GRM7: variants seen among roughly 807,000 people sequenced by gnomAD.
GRM7 encodes glutamate metabotropic receptor 7.
In GRM7, 35 loss-of-function variants were observed where a neutral mutation model predicts 84.5. The ratio of observed to expected loss-of-function variants is 0.41; its 90% confidence interval spans 0.32 to 0.55. The LOEUF (loss-of-function observed/expected upper bound fraction) is 0.55. GRM7 is among the 20% of genes least tolerant of loss of function. The pLI, the probability that GRM7 is intolerant of heterozygous loss-of-function variation, is 0.19. For synonymous variants in GRM7, 487 were observed against 455.1 expected, an observed-to-expected ratio of 1.07 and a Z score of -0.89; for missense variants, 1,003 against 1,194.6, an observed-to-expected ratio of 0.84 and a Z score of 2.36.
At chr3:7,040,274 T>G (rs1696545557) in intron 1 of GRM7, among the ~76,000 whole-genome samples, 1 of 152,136 alleles carries the variant, frequency 6.6e-6, no homozygotes, top group Admixed American at 6.5e-5. Context: ...TGGAGTGCGT[T>G]TCATGATTAG....
intron 2 of GRM7, among the ~76,000 whole-genome samples, chr3:7,226,797 T>C (rs1696997100): frequency 6.6e-6 from 1 of 152,226 alleles, no homozygotes. Context: ...TCATGCTGTG[T>C]TACACTCCAT....
chr3:7,621,957 C>A (rs996130865), intron 8 of GRM7, among the ~76,000 whole-genome samples: 8 of 152,094 alleles, frequency 5.3e-5, no homozygotes, highest in African/African-American at 1.9e-4. Context: ...TGAATCTGGG[C>A]AAATGCTAGA....
intron 2 of GRM7, among the ~76,000 whole-genome samples, chr3:7,194,263 C>T (rs1185523504): frequency 6.6e-6 from 1 of 152,100 alleles, no homozygotes; most frequent in Non-Finnish European, 1.5e-5. Flanking sequence ...AAGACAAGGT[C>T]TCTATTATCT....
intron 7 of GRM7, among the ~76,000 whole-genome samples, chr3:7,493,856 CTGGGT>C (rs1699608975): frequency 6.6e-6 from 1 of 151,898 alleles, no homozygotes; most frequent in Non-Finnish European, 1.5e-5. Flanking sequence ...AATAGTTGTT[CTGGGT>C]ATTAAAATAT....
intron 2 of GRM7, among the ~76,000 whole-genome samples, chr3:7,271,199 A>G (rs565861750): frequency 6.6e-6 from 1 of 152,062 alleles, no homozygotes; most frequent in African/African-American, 2.4e-5. Flanking sequence ...CAGAAAGAGG[A>G]AAAAAAAGTT....
intron 2 of GRM7, among the ~76,000 whole-genome samples, chr3:7,288,353 A>T (rs1699502907): frequency 6.6e-6 from 1 of 152,066 alleles, no homozygotes; most frequent in African/African-American, 2.4e-5. Context: ...ATTCTGTTTT[A>T]TTGACTCATT....
intron 2 of GRM7, among the ~76,000 whole-genome samples, chr3:7,274,540 G>T (rs1698982075): frequency 6.6e-6 from 1 of 152,000 alleles, no homozygotes; most frequent in Admixed American, 6.6e-5. Context: ...ATTCTAGGTT[G>T]ATGGTTGATG....
intron 5 of GRM7, among the ~76,000 whole-genome samples, chr3:7,416,786 T>C (rs1696178449): frequency 6.6e-6 from 1 of 152,194 alleles, no homozygotes; most frequent in East Asian, 1.9e-4. Flanking sequence ...ATTAATTTAA[T>C]ATTGACTAGA....
At chr3:7,620,776 T>C (rs977595079) in intron 8 of GRM7, among the ~76,000 whole-genome samples, 3 of 152,174 alleles carry the variant, frequency 2.0e-5, no homozygotes, top group African/African-American at 7.2e-5. Context: ...TTAGCAACTC[T>C]TGTTTGGGAG....
At chr3:7,266,202 A>G (rs1436321767) in intron 2 of GRM7, among the ~76,000 whole-genome samples, 3 of 151,684 alleles carry the variant, frequency 2.0e-5, no homozygotes, top group Non-Finnish European at 2.9e-5. Flanking sequence ...TGTTCAAGGG[A>G]AAAAAAAATC....
chr3:7,674,255 G>A (rs921000967), intron 8 of GRM7, among the ~76,000 whole-genome samples: 5 of 151,596 alleles, frequency 3.3e-5, no homozygotes, highest in South Asian at 4.2e-4. Context: ...ACAGTGACGC[G>A]ATCTTGGCTC....
At chr3:7,298,860 G>T in intron 3 of GRM7, 35 bp downstream of exon 3, 1 of 1,578,898 alleles carries the variant, frequency 6.3e-7, no homozygotes, top group African/African-American at 1.3e-5. Context: ...TAATATGCAT[G>T]TTGCAATTTT....
chr3:7,064,190 C>A (rs1290589045), intron 1 of GRM7, among the ~76,000 whole-genome samples: 1 of 150,760 alleles, frequency 6.6e-6, no homozygotes, highest in Non-Finnish European at 1.5e-5. Context: ...ACCTATCACC[C>A]ATCTATACAC....
intron 7 of GRM7, among the ~76,000 whole-genome samples, chr3:7,469,123 T>C (rs1348179343): frequency 6.6e-6 from 1 of 152,222 alleles, no homozygotes; most frequent in African/African-American, 2.4e-5. Context: ...ACAGTTAAAC[T>C]ATACACATTA....
chr3:7,455,396 A>G (rs186764671), intron 6 of GRM7, among the ~76,000 whole-genome samples: 29 of 152,276 alleles, frequency 1.9e-4, no homozygotes, highest in Middle Eastern at 3.4e-3. Flanking sequence ...GAATAACCAA[A>G]AACAAAATAG....
intron 7 of GRM7, among the ~76,000 whole-genome samples, chr3:7,539,699 C>T (rs1200679384): frequency 6.8e-6 from 1 of 147,074 alleles, no homozygotes; most frequent in African/African-American, 2.5e-5. Context: ...AAAAAAAAGT[C>T]TCTCACTCAT....
chr3:6,995,999 TCCAGCCATA>T (rs1694814976), intron 1 of GRM7, among the ~76,000 whole-genome samples: 1 of 152,204 alleles, frequency 6.6e-6, no homozygotes, highest in South Asian at 2.1e-4. Flanking sequence ...TGAAAACGCA[TCCAGCCATA>T]CATATGCCTG....
At chr3:7,424,534 C>T (rs1696525361) in intron 5 of GRM7, among the ~76,000 whole-genome samples, 1 of 152,114 alleles carries the variant, frequency 6.6e-6, no homozygotes, top group African/African-American at 2.4e-5. Context: ...CAGGTTAATA[C>T]AAAAGACCAG....
intron 2 of GRM7, among the ~76,000 whole-genome samples, chr3:7,264,238 A>C (rs1698549809): frequency 6.6e-6 from 1 of 152,114 alleles, no homozygotes; most frequent in African/African-American, 2.4e-5. Context: ...TTCAGATCCG[A>C]CACTTTCTCT....
Sources: allele counts gnomAD v4.1 joint callset (sites outside exome capture counted in the v4.1 genomes callset), GRCh38; gene constraint gnomAD v4.1.1; transcripts MANE v1.5; gene names NCBI Gene and HGNC (gene_info 2026-07-23, HGNC 2026-07-21).